The following UHRF1 variants were observed in gnomAD, a reference collection of about 807,000 sequenced individuals.
UHRF1 encodes E3 ubiquitin-protein ligase UHRF1.
Under a neutral mutation model 96.5 loss-of-function variants are expected in UHRF1, and 9 were observed. The observed-to-expected ratio is 0.09, with a 90% CI of 0.06 to 0.16. UHRF1 has a LOEUF of 0.16. UHRF1 is among the 10% of genes least tolerant of loss of function. The probability of loss-of-function intolerance (pLI) is 1.00; values close to 1 mark genes in which losing one functional copy is unlikely to be tolerated. For missense variants in UHRF1, 626 were observed against 1,131.1 expected, an observed-to-expected ratio of 0.55 and a Z score of 6.40; for synonymous variants, 455 against 469.9, an observed-to-expected ratio of 0.97 and a Z score of 0.41.
intron 9 of UHRF1, among the ~76,000 whole-genome samples, chr19:4,945,019 G>A (rs1364051726): frequency 6.6e-6 from 1 of 152,182 alleles, no homozygotes; most frequent in Non-Finnish European, 1.5e-5. Flanking sequence ...TTGCCCCTGG[G>A]TGAGATGCAC....
chr19:4,952,127 C>T (rs1383335310), intron 13 of UHRF1, among the ~76,000 whole-genome samples: 1 of 152,176 alleles, frequency 6.6e-6, no homozygotes, highest in Non-Finnish European at 1.5e-5. Context: ...GAGTCTTGCT[C>T]TGTCGCCCAG....
chr19:4,952,444 G>C (rs2033744616), intron 13 of UHRF1, among the ~76,000 whole-genome samples: 1 of 139,270 alleles, frequency 7.2e-6, no homozygotes, highest in African/African-American at 2.7e-5. Flanking sequence ...CGCCCAGGCT[G>C]GAGTGCAGGC....
chr19:4,939,373 T>G (rs1458860202), intron 5 of UHRF1, among the ~76,000 whole-genome samples: 1 of 127,106 alleles, frequency 7.9e-6, no homozygotes, highest in Non-Finnish European at 1.7e-5. Flanking sequence ...TAGAATATGT[T>G]TTTCTTTCTT....
intron 3 of UHRF1, 61 bp downstream of exon 3, chr19:4,929,537 G>C (rs1568416014): frequency 6.4e-7 from 1 of 1,563,508 alleles, no homozygotes. Context: ...TCTGGTCTTT[G>C]CATACCCAGG....
chr19:4,918,494 C>T (rs763780948), intron 2 of UHRF1, among the ~76,000 whole-genome samples: 13 of 150,702 alleles, frequency 8.6e-5, no homozygotes, highest in South Asian at 2.1e-4. Context: ...GTCAGCTCAC[C>T]GCAACCTCCA....
At chr19:4,951,209 T>C (rs2033709421) in intron 13 of UHRF1, among the ~76,000 whole-genome samples, 1 of 152,166 alleles carries the variant, frequency 6.6e-6, no homozygotes, top group Admixed American at 6.6e-5. Flanking sequence ...GAGGTTATAA[T>C]GAGCTGAGAT....
At chr19:4,946,910 T>C (rs980581397) in intron 10 of UHRF1, among the ~76,000 whole-genome samples, 195 bp from the exon 11 acceptor site, 6 of 152,118 alleles carry the variant, frequency 3.9e-5, no homozygotes, top group African/African-American at 1.4e-4. Context: ...CACCACACTG[T>C]TTGTATAGTC....
intron 1 of UHRF1, 151 bp downstream of exon 1, chr19:4,909,806 G>T (rs2032179507): frequency 2.3e-6 from 1 of 437,528 alleles, no homozygotes; most frequent in Non-Finnish European, 4.0e-6. Flanking sequence ...CCTAACCCTC[G>T]GGAATCGTTC....
At chr19:4,909,878 C>T (rs1026399460) in intron 1 of UHRF1, 4 of 374,426 alleles carry the variant, frequency 1.1e-5, no homozygotes, top group Non-Finnish European at 1.9e-5. Flanking sequence ...GGCGGGGGGT[C>T]GAGCGCGCCG....
intron 5 of UHRF1, among the ~76,000 whole-genome samples, chr19:4,938,461 T>G (rs2033280143): frequency 6.6e-6 from 1 of 151,338 alleles, no homozygotes; most frequent in Admixed American, 6.6e-5. Flanking sequence ...AATTTTATTT[T>G]TGAGGATCTT....
intron 2 of UHRF1, among the ~76,000 whole-genome samples, chr19:4,917,819 A>G (rs2032573974): frequency 6.6e-6 from 1 of 151,732 alleles, no homozygotes; most frequent in Non-Finnish European, 1.5e-5. Flanking sequence ...CACCACACCC[A>G]ATATTTAAAT....
intron 5 of UHRF1, among the ~76,000 whole-genome samples, chr19:4,940,032 A>C (rs935499626): frequency 3.9e-5 from 6 of 152,020 alleles, no homozygotes; most frequent in East Asian, 1.9e-4. Context: ...AAAAAAAAAA[A>C]AAAAAACACA....
intron 2 of UHRF1, among the ~76,000 whole-genome samples, chr19:4,915,871 G>T (rs138964696): frequency 1.7e-3 from 263 of 152,278 alleles, no homozygotes; most frequent in African/African-American, 6.1e-3. Context: ...GAATGTGCTG[G>T]AACAGATCCT....
chr19:4,952,391 GC>G (rs1212849987), intron 13 of UHRF1, among the ~76,000 whole-genome samples: 2 of 109,258 alleles, frequency 1.8e-5, no homozygotes, highest in African/African-American at 3.5e-5. Flanking sequence ...ACCGCTCCCA[GC>G]CTTTTTTTTT....
At chr19:4,905,883 A>C (rs1445599577), upstream of UHRF1, among the ~76,000 whole-genome samples, 12 of 152,202 alleles carry the variant, frequency 7.9e-5, no homozygotes, top group African/African-American at 1.2e-4. Context: ...GGAAGCCAAA[A>C]GATTGGACAC....
At chr19:4,929,855 C>T (rs2032993760) in intron 3 of UHRF1, among the ~76,000 whole-genome samples, 1 of 151,852 alleles carries the variant, frequency 6.6e-6, no homozygotes, top group Non-Finnish European at 1.5e-5. Flanking sequence ...GCCTGGGGTG[C>T]AGCCGTGTGA....
chr19:4,959,474 C>G (rs2033937142), intron 16 of UHRF1, among the ~76,000 whole-genome samples: 1 of 152,188 alleles, frequency 6.6e-6, no homozygotes, highest in Non-Finnish European at 1.5e-5. Flanking sequence ...GCGTAGGCAT[C>G]TGTGCACCTG....
rs761657244 is a variant in UHRF1 at position 4,954,671 on chromosome 19, G to A, written c.1979G>A (p.Gly660Glu). ...KSAGGGPSRA[G>E]SPRRTSKKTK... ...CCAGGAGGTGGCCCGAGCAGGGCCG[G>A]GTCCCCGCGCCGGACATCCAAGAAA... The change falls in exon 15 of 17, where the codon GGG (glycine) becomes GAG (glutamate). Residue 660 changes from glycine to glutamate, a missense_variant. Physicochemically the swap from Gly to Glu is moderately conservative, Grantham distance 98 (BLOSUM62 -2). Coordinates refer to ENST00000650932, the MANE Select transcript of UHRF1 (RefSeq NM_001048201.3). This position sits in a 1 kb window ranked among gnomAD's most constrained non-coding sequence, Gnocchi z 5.9. 1 of 1,613,066 alleles carries A rather than the reference G, an allele frequency of 6.2e-7. No individual in the cohort carries two copies. The highest frequency in any genetic ancestry group is 8.5e-7 in the Non-Finnish European group (1 of 1,179,532).
rs1256777565 is a variant in UHRF1 at position 4,941,080 on chromosome 19, GTTTTGTTTTTTTTT to G, written c.786-443_786-430del. ...CCTGCAATGAAACTCTGGTTTCTGT[GTTTTGTTTTTTTTT>G]TTTTTTTTTTTTTTGAGACTGAGTC... On this transcript the variant is annotated intron_variant, in intron 5 of 16. Transcript: ENST00000650932. Among the ~76,000 whole-genome samples, 3 of 112,844 alleles carry G rather than the reference GTTTTGTTTTTTTTT, an allele frequency of 2.7e-5. 1 individual carries two copies. Among genetic ancestry groups the G allele is most frequent in the African/African-American group, 1.1e-4 (3 of 26,640 alleles). 74.0% of individuals were successfully genotyped at this position (112,844 alleles called of 152,430 possible). A position where few individuals can be genotyped will look rare whatever the true frequency, so the allele number is the denominator to read the frequency against.
Sources: gnomAD v4.1 joint callset for allele counts (sites outside exome capture counted in the v4.1 genomes callset) on GRCh38, gnomAD v4.1.1 for gene constraint, Gnocchi (gnomAD v3.1) non-coding constraint, MANE v1.5 for transcripts, NCBI Gene and HGNC (gene_info 2026-07-23, HGNC 2026-07-21) for gene names.